RANBP2: variants seen among roughly 807,000 people sequenced by gnomAD.
RANBP2 encodes the protein RAN binding protein 2.
Under a neutral mutation model 303.6 loss-of-function variants are expected in RANBP2, and 57 were observed. The observed-to-expected ratio is 0.19, with a 90% confidence interval of 0.15 to 0.23. The LOEUF (loss-of-function observed/expected upper bound fraction) is 0.23, where lower values mean the gene tolerates loss of function less well. RANBP2 is among the 10% of genes least tolerant of loss of function. The pLI is 1.00. For missense variants in RANBP2, 3,138 were observed against 3,780.8 expected (o/e 0.83, Z 4.46); for synonymous variants, 1,167 against 1,301.5 (o/e 0.90, Z 2.23).
At chr2:108,749,391 A>G (rs866115) in intron 9 of RANBP2, among the ~76,000 whole-genome samples, 39,609 of 151,790 alleles carry the variant, frequency 0.26, 5,566 homozygotes, top group African/African-American at 0.36. Context: ...TCTGCCTCCC[A>G]GGTTCAAGTG....
At chr2:108,937,687 ATGTGTATGTGTGTGAGTGTATGTG>A in the RANBP2 span, among the ~76,000 whole-genome samples, 3 of 151,082 alleles carry the variant, frequency 2.0e-5, no homozygotes, top group Non-Finnish European at 3.0e-5. Context: ...AGTGTATGTG[ATGTGTATGTGTGTGAGTGTATGTG>A]TGTGTATGTG....
the RANBP2 span, among the ~76,000 whole-genome samples, chr2:109,032,461 G>C: frequency 6.6e-6 from 1 of 152,288 alleles, no homozygotes; most frequent in Non-Finnish European, 1.5e-5. Context: ...ACTGCTCCTT[G>C]GGGTGACATC....
the RANBP2 span, among the ~76,000 whole-genome samples, chr2:109,527,472 T>G: frequency 3.9e-5 from 6 of 152,164 alleles, no homozygotes; most frequent in Non-Finnish European, 7.3e-5. Flanking sequence ...CTCCAGAGAC[T>G]GGGGAGCCAC....
chr2:109,548,988 G>A, the RANBP2 span, among the ~76,000 whole-genome samples: 1 of 152,004 alleles, frequency 6.6e-6, no homozygotes, highest in African/African-American at 2.4e-5. Flanking sequence ...ATCGATTAAG[G>A]CCCTCCTAAC....
chr2:109,419,643 G>A, the RANBP2 span: 1 of 1,571,500 alleles, frequency 6.4e-7, no homozygotes, highest in Non-Finnish European at 8.6e-7. Flanking sequence ...CCCTCAACGT[G>A]TGAGCTGCCC....
chr2:109,391,002 C>T, the RANBP2 span, among the ~76,000 whole-genome samples: 13 of 152,356 alleles, frequency 8.5e-5, no homozygotes, highest in South Asian at 2.1e-3. Context: ...CACCCAGAGG[C>T]GGACAAGGTG....
chr2:109,567,809 G>A, the RANBP2 span: 1 of 1,573,224 alleles, frequency 6.4e-7, no homozygotes, highest in Non-Finnish European at 8.6e-7. Context: ...TCAATCAGGA[G>A]CTCACATTCA....
chr2:109,565,821 C>G, the RANBP2 span: 1 of 1,614,086 alleles, frequency 6.2e-7, no homozygotes, highest in South Asian at 1.1e-5. Context: ...CGACTTTTAC[C>G]TCATCCATAC....
At chr2:109,399,362 C>T in the RANBP2 span, among the ~76,000 whole-genome samples, 1 of 151,974 alleles carries the variant, frequency 6.6e-6, no homozygotes, top group African/African-American at 2.4e-5. Flanking sequence ...AGTCAGAGCT[C>T]AGAATCAGAA....
chr2:109,170,187 A>G, the RANBP2 span, among the ~76,000 whole-genome samples: 2 of 152,246 alleles, frequency 1.3e-5, no homozygotes, highest in East Asian at 1.9e-4. Flanking sequence ...CCTTATCTGC[A>G]GATGAACGAG....
rs1261658491 is a variant in RANBP2 at position 108,753,553 on chromosome 2, A to G, written c.2045A>G (p.Asn682Ser). Reference protein sequence around the residue: ...ESIKSVVSYWNLALIFHRKAE... With the variant: ...ESIKSVVSYWSLALIFHRKAE... ...ATAAAAAGTGTTGTTTCTTATTGGA[A>G]TCTTGCACTGGTAAGTAGATGCAGT... Residue 682 changes from asparagine (N) to serine (S), a missense_variant, in exon 14 of 29, where the codon AAT (asparagine) becomes AGT (serine). By Grantham distance (46) the Asn-to-Ser change is conservative. This residue lies in a region of RANBP2 where 194 missense variants were observed against 197.4 expected (regional missense o/e 0.98). Coordinates refer to ENST00000283195, the MANE Select transcript of RANBP2 (RefSeq NM_006267.5). 1 of 1,611,656 alleles carries G rather than the reference A, an allele frequency of 6.2e-7. No individual in the cohort carries two copies. The highest frequency in any genetic ancestry group is 8.5e-7 in the Non-Finnish European group (1 of 1,179,764).
the RANBP2 span, among the ~76,000 whole-genome samples, chr2:109,690,558 C>T: frequency 6.6e-6 from 1 of 152,124 alleles, no homozygotes; most frequent in Non-Finnish European, 1.5e-5. Flanking sequence ...TCACAGTAGC[C>T]TTATTAATTA....
the RANBP2 span, among the ~76,000 whole-genome samples, chr2:109,162,677 C>A: frequency 2.0e-5 from 3 of 152,160 alleles, no homozygotes; most frequent in Non-Finnish European, 4.4e-5. Flanking sequence ...AATAGTGCCA[C>A]AATAAACATA....
the RANBP2 span, among the ~76,000 whole-genome samples, chr2:109,134,939 AC>A: frequency 6.6e-6 from 1 of 152,198 alleles, no homozygotes; most frequent in African/African-American, 2.4e-5. Flanking sequence ...TATGTAAGTG[AC>A]ATGAACAGGA....
chr2:109,083,517 A>T, the RANBP2 span, among the ~76,000 whole-genome samples: 5 of 152,244 alleles, frequency 3.3e-5, no homozygotes, highest in East Asian at 7.7e-4. Flanking sequence ...TGGATGTAGC[A>T]CACTTTCTTT....
the RANBP2 span, among the ~76,000 whole-genome samples, chr2:109,249,575 C>CCTTT: frequency 8.5e-6 from 1 of 117,480 alleles, no homozygotes; most frequent in East Asian, 2.1e-4. Flanking sequence ...TTCCTTCCTT[C>CCTTT]CTTCCTTCCT....
the RANBP2 span, among the ~76,000 whole-genome samples, chr2:109,534,769 C>T: frequency 3.2e-5 from 4 of 126,148 alleles, no homozygotes; most frequent in African/African-American, 1.1e-4. Context: ...AACTCAGTCT[C>T]AAAAAAAAAA....
chr2:108,776,584 G>A (rs1677909308), intron 24 of RANBP2, among the ~76,000 whole-genome samples: 1 of 152,090 alleles, frequency 6.6e-6, no homozygotes, highest in Admixed American at 6.6e-5. Flanking sequence ...AGAGGAAGAC[G>A]ACTTCATACC....
At chr2:109,197,428 C>T in the RANBP2 span, among the ~76,000 whole-genome samples, 1 of 152,316 alleles carries the variant, frequency 6.6e-6, no homozygotes, top group Admixed American at 6.5e-5. Flanking sequence ...CTTAATTTCT[C>T]TTATCTTGTT....
Sources: allele counts gnomAD v4.1 joint callset (sites outside exome capture counted in the v4.1 genomes callset), GRCh38; gene constraint gnomAD v4.1.1; regional missense constraint gnomAD v4.1.1; transcripts MANE v1.5; gene names NCBI Gene and HGNC (gene_info 2026-07-23, HGNC 2026-07-21).